The following ARHGAP24 variants were observed in gnomAD, a reference collection of about 807,000 sequenced individuals.
The protein encoded by ARHGAP24 is Rho GTPase activating protein 24, also known as rho GTPase-activating protein 24.
Under a neutral mutation model 76.4 loss-of-function variants are expected in ARHGAP24, and 50 were observed. That is an observed-to-expected ratio of 0.65 (90% CI 0.52 to 0.83). The LOEUF (loss-of-function observed/expected upper bound fraction) is 0.83. Among genes scored for constraint, ARHGAP24 ranks in the 40% least tolerant of loss-of-function variants. The probability of loss-of-function intolerance (pLI) is 0.00; values close to 1 mark genes in which losing one functional copy is unlikely to be tolerated. For missense variants in ARHGAP24, 930 were observed against 914.2 expected, an observed-to-expected ratio of 1.02 and a Z score of -0.22; for synonymous variants, 345 against 323.3, an observed-to-expected ratio of 1.07 and a Z score of -0.72.
Position 85,934,926 on chromosome 4 carries a change from T to TACAC in ARHGAP24, c.392-7128_392-7125dup, listed in dbSNP as rs376594899. On this transcript the variant is annotated intron_variant, in intron 4 of 9. Transcript: ENST00000395184. ...ACACACATGCACATATGCGTGCACA[T>TACAC]ACACACACACACACATATTCATTCC... is the stretch of plus-strand genomic sequence containing the variant. Among the ~76,000 whole-genome samples, 4 of 151,440 alleles carry TACAC rather than the reference T, an allele frequency of 2.6e-5. No homozygotes were observed. The East Asian group carries it at 7.7e-4, about 29-fold the overall frequency.
chr4:85,650,566 A>G (rs1721897666), intron 2 of ARHGAP24, among the ~76,000 whole-genome samples: 1 of 149,592 alleles, frequency 6.7e-6, no homozygotes, highest in Non-Finnish European at 1.5e-5. Flanking sequence ...AATACTTAGA[A>G]CAGTTCTTGT....
intron 4 of ARHGAP24, among the ~76,000 whole-genome samples, chr4:85,939,901 T>TA (rs35519913): frequency 1.1e-3 from 159 of 147,792 alleles, no homozygotes; most frequent in East Asian, 4.5e-3. Context: ...AAATCGAAAG[T>TA]AAAAAAAAAA....
At chr4:85,499,067 G>A (rs1723691885) in intron 1 of ARHGAP24, among the ~76,000 whole-genome samples, 1 of 152,088 alleles carries the variant, frequency 6.6e-6, no homozygotes, top group Non-Finnish European at 1.5e-5. Flanking sequence ...TCAGCTTGTT[G>A]TTGTTTGCTT....
intron 5 of ARHGAP24, among the ~76,000 whole-genome samples, chr4:85,949,994 T>C (rs1004956031): frequency 6.6e-6 from 1 of 152,128 alleles, no homozygotes; most frequent in Non-Finnish European, 1.5e-5. Flanking sequence ...GTAATGAGGG[T>C]GACATGCTAA....
chr4:85,579,150 T>C (rs983231450), intron 2 of ARHGAP24, among the ~76,000 whole-genome samples: 1 of 152,172 alleles, frequency 6.6e-6, no homozygotes, highest in Non-Finnish European at 1.5e-5. Flanking sequence ...GCACTGGTTT[T>C]CTGGTTTCTC....
chr4:85,634,469 A>G (rs1560562830), intron 2 of ARHGAP24, among the ~76,000 whole-genome samples: 1 of 151,860 alleles, frequency 6.6e-6, no homozygotes, highest in African/African-American at 2.4e-5. Context: ...TGTCTACTGT[A>G]TATTGAATGA....
At chr4:85,858,527 G>A (rs1434180742) in intron 3 of ARHGAP24, among the ~76,000 whole-genome samples, 1 of 152,156 alleles carries the variant, frequency 6.6e-6, no homozygotes, top group Non-Finnish European at 1.5e-5. Context: ...GTGCAACTAA[G>A]CTGCATCCTG....
At chr4:85,533,130 G>C (rs539003134) in intron 1 of ARHGAP24, among the ~76,000 whole-genome samples, 93 of 152,288 alleles carry the variant, frequency 6.1e-4, no homozygotes, top group Middle Eastern at 3.4e-3. Flanking sequence ...ATTTGGTGGA[G>C]AGTTTAAAAA....
At chr4:85,918,934 A>G (rs543682892) in intron 3 of ARHGAP24, among the ~76,000 whole-genome samples, 1 of 152,202 alleles carries the variant, frequency 6.6e-6, no homozygotes, top group African/African-American at 2.4e-5. Flanking sequence ...AAATGCGAAC[A>G]AATCTAGTAT....
intron 3 of ARHGAP24, among the ~76,000 whole-genome samples, chr4:85,868,782 A>G (rs1732354155): frequency 1.3e-5 from 2 of 152,234 alleles, no homozygotes; most frequent in East Asian, 1.9e-4. Flanking sequence ...AAATTTTTCT[A>G]TAAACCTAAA....
chr4:85,588,472 G>C lies in ARHGAP24; in HGVS notation c.180+17751G>C, dbSNP rs531269946. The stretch of plus-strand genomic sequence containing the variant: ...TTCTGAGTCCTGCAAATATCTGTTT[G>C]ATAGCACTTTTCATGTAAGGTCGCT... On this transcript the variant is annotated intron_variant, in intron 2 of 9. Transcript: ENST00000395184. Among the ~76,000 whole-genome samples, 20 of 152,268 alleles carry C rather than the reference G, an allele frequency of 1.3e-4. No individual in the cohort carries two copies. The South Asian group carries it at 4.1e-3, about 32-fold the overall frequency.
chr4:85,559,076 A>T, intron 1 of ARHGAP24, among the ~76,000 whole-genome samples: 1 of 152,172 alleles, frequency 6.6e-6, no homozygotes, highest in Non-Finnish European at 1.5e-5. Flanking sequence ...TAGGCACAGC[A>T]GTTATTTCCC....
chr4:85,971,903 C>T, intron 5 of ARHGAP24, 133 bp from the exon 6 acceptor site: 1 of 1,255,274 alleles, frequency 8.0e-7, no homozygotes, highest in Admixed American at 1.9e-5. Context: ...TAAATGAGTG[C>T]TCTCTGAAAA....
At chr4:85,761,627 A>G (rs13110649) in intron 3 of ARHGAP24, among the ~76,000 whole-genome samples, 145,817 of 152,278 alleles carry the variant, frequency 0.96, 70,159 homozygotes, top group East Asian at 1. Flanking sequence ...ATGTGATTCC[A>G]ATGTGTGGGT....
chr4:85,874,561 G>T (rs989343248), intron 3 of ARHGAP24, among the ~76,000 whole-genome samples: 1 of 151,666 alleles, frequency 6.6e-6, no homozygotes, highest in Non-Finnish European at 1.5e-5. Context: ...ATCCCTGACT[G>T]CTTCAAAACG....
At chr4:85,572,063 A>T (rs533134501) in intron 2 of ARHGAP24, among the ~76,000 whole-genome samples, 2 of 152,288 alleles carry the variant, frequency 1.3e-5, no homozygotes, top group East Asian at 3.9e-4. Context: ...ACAGAGGAGG[A>T]AACTGTGGCT....
intron 2 of ARHGAP24, among the ~76,000 whole-genome samples, chr4:85,587,618 A>T (rs549919461): frequency 1.3e-5 from 2 of 152,302 alleles, no homozygotes; most frequent in East Asian, 3.9e-4. Context: ...TTTCTTTAGA[A>T]GTATACACTT....
At chr4:85,616,838 G>A (rs1313485278) in intron 2 of ARHGAP24, among the ~76,000 whole-genome samples, 1 of 151,982 alleles carries the variant, frequency 6.6e-6, no homozygotes, top group Admixed American at 6.6e-5. Context: ...ATGTTGACCA[G>A]GCTGGTCTTG....
At chr4:85,583,227 G>T (rs1398044836) in intron 2 of ARHGAP24, among the ~76,000 whole-genome samples, 1 of 152,020 alleles carries the variant, frequency 6.6e-6, no homozygotes, top group African/African-American at 2.4e-5. Flanking sequence ...AGATGGTTTA[G>T]CTAATAAAAA....
Sources: allele counts gnomAD v4.1 joint callset (sites outside exome capture counted in the v4.1 genomes callset), GRCh38; gene constraint gnomAD v4.1.1; transcripts MANE v1.5; gene names NCBI Gene and HGNC (gene_info 2026-07-23, HGNC 2026-07-21).